The following TPRG1 variants were observed in gnomAD, a reference collection of about 807,000 sequenced individuals.
TPRG1 encodes the protein tumor protein p63-regulated gene 1 protein.
TPRG1 carries 29 observed loss-of-function variants against 29.3 expected under a neutral mutation model. The ratio of observed to expected loss-of-function variants is 0.99; its 90% CI spans 0.74 to 1.35. The LOEUF (loss-of-function observed/expected upper bound fraction) is 1.35, where lower values mean the gene tolerates loss of function less well. TPRG1 is among the 40% of genes most tolerant of loss of function. TPRG1 has a pLI of 0.00. For missense variants in TPRG1, 327 were observed against 335.0 expected (o/e 0.98, Z 0.19); for synonymous variants, 130 against 116.8 (o/e 1.11, Z -0.73).
chr3:189,199,280 A>G (rs1048717459), intron 1 of TPRG1, among the ~76,000 whole-genome samples: 18 of 152,222 alleles, frequency 1.2e-4, no homozygotes, highest in East Asian at 5.8e-4. Flanking sequence ...GAGTCACATG[A>G]TGATATGGGG....
At chr3:189,288,133 T>A (rs769239329) in intron 4 of TPRG1, among the ~76,000 whole-genome samples, 3 of 152,054 alleles carry the variant, frequency 2.0e-5, no homozygotes, top group Admixed American at 6.5e-5. Context: ...TGGTTGTGTG[T>A]GTATACACAA....
intron 5 of TPRG1, among the ~76,000 whole-genome samples, chr3:189,319,624 T>G (rs1294058975): frequency 6.6e-6 from 1 of 152,102 alleles, no homozygotes; most frequent in African/African-American, 2.4e-5. Flanking sequence ...TGAAGTGAAC[T>G]CCAAACTCAT....
intron 1 of TPRG1, among the ~76,000 whole-genome samples, chr3:189,206,012 TTTCCTTCC>T (rs149478955): frequency 1.4e-3 from 174 of 125,736 alleles, no homozygotes; most frequent in African/African-American, 4.6e-3. Context: ...TGCAGGTACA[TTTCCTTCC>T]TTCCTTCCTT....
chr3:189,309,189 C>CT (rs1288352941), intron 4 of TPRG1, among the ~76,000 whole-genome samples: 1 of 151,072 alleles, frequency 6.6e-6, no homozygotes, highest in Non-Finnish European at 1.5e-5. Context: ...GTTTCAGGGA[C>CT]TTTTTTTACT....
At chr3:189,030,229 T>C (rs1029670907) in intron 4 of TPRG1, among the ~76,000 whole-genome samples, 6 of 152,138 alleles carry the variant, frequency 3.9e-5, no homozygotes, top group African/African-American at 1.4e-4. Flanking sequence ...AATTTTCCCA[T>C]CACAAAATAA....
rs968321707 is a variant in TPRG1 at position 189,323,929 on chromosome 3, C to A, written c.*3109C>A. The A allele has an allele frequency of 1.3e-5, 2 of 152,114 alleles. No homozygotes were observed. The highest frequency in any genetic ancestry group is 4.8e-5 in the African/African-American group (2 of 41,418). 9.4% of individuals were successfully genotyped at this position (152,114 alleles called of 1,614,324 possible). On this transcript the variant is annotated 3_prime_UTR_variant, in exon 6 of 6. Transcript: ENST00000345063. ...TGAACAGCTCCACTGACAAATGCCT[C>A]ACTATCTTCTGATACATCGTAGGCA...
chr3:189,015,925 G>C (rs987629909), intron 3 of TPRG1, among the ~76,000 whole-genome samples: 2 of 152,132 alleles, frequency 1.3e-5, no homozygotes, highest in Non-Finnish European at 2.9e-5. Flanking sequence ...AGTACAGAGG[G>C]GAAATGTGGA....
intron 1 of TPRG1, among the ~76,000 whole-genome samples, chr3:189,179,284 T>G (rs536841037): frequency 6.6e-6 from 1 of 152,214 alleles, no homozygotes; most frequent in African/African-American, 2.4e-5. Context: ...TAAGCAGGCA[T>G]GGACATATTA....
upstream of TPRG1, among the ~76,000 whole-genome samples, chr3:189,168,235 C>T (rs1346452270): frequency 6.6e-6 from 1 of 152,090 alleles, no homozygotes; most frequent in East Asian, 1.9e-4. Flanking sequence ...CAGATATTTT[C>T]AAATAAAATA....
intron 4 of TPRG1, among the ~76,000 whole-genome samples, chr3:189,044,091 A>G (rs946597181): frequency 1.3e-5 from 2 of 152,214 alleles, no homozygotes; most frequent in African/African-American, 4.8e-5. Context: ...AAATGAATAT[A>G]TAAAAATTAC....
intron 4 of TPRG1, among the ~76,000 whole-genome samples, chr3:189,045,698 T>C (rs1714933481): frequency 2.0e-5 from 3 of 152,248 alleles, no homozygotes; most frequent in Non-Finnish European, 4.4e-5. Flanking sequence ...TTTTCCTTGA[T>C]TGTATATTTA....
intron 1 of TPRG1, among the ~76,000 whole-genome samples, chr3:189,199,621 A>G (rs947678568): frequency 7.2e-5 from 11 of 152,154 alleles, no homozygotes; most frequent in African/African-American, 2.7e-4. Context: ...CAGGCGAATC[A>G]TGAGGTCAGG....
chr3:189,225,799 A>C (rs965683116), intron 3 of TPRG1, among the ~76,000 whole-genome samples: 16 of 152,238 alleles, frequency 1.1e-4, no homozygotes, highest in African/African-American at 3.9e-4. Flanking sequence ...TGGTCTGTTC[A>C]GTAGACAGAA....
intron 1 of TPRG1, chr3:189,123,626 C>T (rs956396292): frequency 1.3e-5 from 2 of 152,174 alleles, no homozygotes; most frequent in African/African-American, 2.4e-5. Flanking sequence ...AGACCAGACT[C>T]GGATTTTAAA....
rs543193926 is a variant in TPRG1 at position 189,239,924 on chromosome 3, T to G, written c.479+1015T>G. ...TCGAGGCATCTGCCTTTACTAAACA[T>G]TTTAGATCTAAGCAAGAGAAACAAC... On this transcript the variant is annotated intron_variant, in intron 4 of 5. Coordinates refer to ENST00000345063, the MANE Select transcript of TPRG1 (RefSeq NM_198485.4). Among the ~76,000 whole-genome samples the G allele has an allele frequency of 2.0e-5, 3 of 152,264 alleles. No homozygotes were observed. In the South Asian group the frequency reaches 6.2e-4, roughly 32 times the overall value.
chr3:189,148,746 G>T (rs1331117808), intron 4 of TPRG1, among the ~76,000 whole-genome samples: 1 of 152,196 alleles, frequency 6.6e-6, no homozygotes, highest in Non-Finnish European at 1.5e-5. Context: ...TGAAAAACAA[G>T]TGTCGGTACA....
At position 189,222,019 on chromosome 3, in the gene TPRG1, G is replaced by T. The variant is rs188237758; in HGVS notation, c.302+6636G>T. Among the ~76,000 whole-genome samples, 144 of 151,994 alleles carry T rather than the reference G, an allele frequency of 9.5e-4. 1 individual carries two copies. Among genetic ancestry groups the T allele is most frequent in the Non-Finnish European group, 1.4e-3 (94 of 67,972 alleles). ...ACAGTGATCACTGCAGTTCAAATTG[G>T]TTAAATAATCTTTGTGCCTGTGTCT... On this transcript the variant is annotated intron_variant, in intron 3 of 5. Transcript: ENST00000345063.
intron 1 of TPRG1, among the ~76,000 whole-genome samples, chr3:189,106,332 A>G (rs1719822210): frequency 6.6e-6 from 1 of 151,840 alleles, no homozygotes; most frequent in Admixed American, 6.6e-5. Context: ...AACCCTCCAA[A>G]TTTTGGTCTG....
At chr3:189,028,517 A>C (rs1320689712) in intron 4 of TPRG1, among the ~76,000 whole-genome samples, 1 of 152,186 alleles carries the variant, frequency 6.6e-6, no homozygotes, top group Non-Finnish European at 1.5e-5. Context: ...CATATCTGAG[A>C]TCTTCACCCA....
Sources: gnomAD v4.1 joint callset for allele counts (sites outside exome capture counted in the v4.1 genomes callset) on GRCh38, gnomAD v4.1.1 for gene constraint, MANE v1.5 for transcripts, NCBI Gene and HGNC (gene_info 2026-07-23, HGNC 2026-07-21) for gene names.